NAV2: variants seen among roughly 807,000 people sequenced by gnomAD.
NAV2 encodes the protein neuron navigator 2, also known as helicase, APC down-regulated 1.
A neutral mutation model predicts 223.2 loss-of-function variants in NAV2; 54 were observed. That is an observed-to-expected ratio of 0.24 (90% CI 0.19 to 0.30). The LOEUF (loss-of-function observed/expected upper bound fraction) is 0.30, where lower values mean the gene tolerates loss of function less well. Among genes scored for constraint, NAV2 ranks in the 10% least tolerant of loss-of-function variants. The pLI is 1.00. For synonymous variants in NAV2, 1,279 were observed against 1,239.3 expected (o/e 1.03, Z -0.67); for missense variants, 2,806 against 3,147.5 (o/e 0.89, Z 2.60).
At chr11:19,615,963 G>A (rs141995768) in intron 1 of NAV2, among the ~76,000 whole-genome samples, 31 of 152,222 alleles carry the variant, frequency 2.0e-4, no homozygotes, top group East Asian at 1.2e-3. Context: ...TAAGCAGAGC[G>A]CTGCCTCCCC....
At chr11:19,364,922 A>G (rs555833489) in intron 1 of NAV2, among the ~76,000 whole-genome samples, 48 of 152,346 alleles carry the variant, frequency 3.2e-4, no homozygotes, top group African/African-American at 1.2e-3. Context: ...TTACCCATAC[A>G]ACAATATTTC....
chr11:19,527,229 A>T (rs1304688564), intron 1 of NAV2, among the ~76,000 whole-genome samples: 2 of 152,030 alleles, frequency 1.3e-5, no homozygotes, highest in Non-Finnish European at 2.9e-5. Context: ...ACGAGATCTG[A>T]TGGTTTTATA....
intron 1 of NAV2, among the ~76,000 whole-genome samples, chr11:19,640,995 G>A (rs996278358): frequency 6.6e-6 from 1 of 152,258 alleles, no homozygotes; most frequent in Non-Finnish European, 1.5e-5. Context: ...CTAACCTCTA[G>A]GGAGGAACAC....
At chr11:19,395,881 A>G (rs1311843027) in intron 1 of NAV2, among the ~76,000 whole-genome samples, 2 of 152,208 alleles carry the variant, frequency 1.3e-5, no homozygotes, top group Non-Finnish European at 2.9e-5. Context: ...TACCAGAGCT[A>G]TCAAAAAGTA....
chr11:19,542,065 A>G (rs2044356480), intron 1 of NAV2, among the ~76,000 whole-genome samples: 1 of 152,162 alleles, frequency 6.6e-6, no homozygotes, highest in Non-Finnish European at 1.5e-5. Flanking sequence ...AGGTCGGCAA[A>G]GCCCACCATT....
At chr11:19,899,524 T>C (rs532175450) in intron 6 of NAV2, among the ~76,000 whole-genome samples, 1 of 152,300 alleles carries the variant, frequency 6.6e-6, no homozygotes, top group African/African-American at 2.4e-5. Flanking sequence ...CATTTGTTCA[T>C]TTCATCATCA....
At chr11:19,649,419 A>G (rs1230689101) in intron 1 of NAV2, among the ~76,000 whole-genome samples, 2 of 152,352 alleles carry the variant, frequency 1.3e-5, no homozygotes, top group East Asian at 3.9e-4. Context: ...CCTAGACTGA[A>G]TGGCATATAA....
chr11:19,605,189 G>T (rs954931935), intron 1 of NAV2, among the ~76,000 whole-genome samples: 1 of 152,184 alleles, frequency 6.6e-6, no homozygotes, highest in African/African-American at 2.4e-5. Context: ...AGGTCCAGGG[G>T]AGGAGTTGGG....
intron 1 of NAV2, among the ~76,000 whole-genome samples, chr11:19,786,463 T>C (rs2057127253): frequency 6.6e-6 from 1 of 152,256 alleles, no homozygotes; most frequent in Non-Finnish European, 1.5e-5. Flanking sequence ...TGTTTCAATA[T>C]AATGCAAAGT....
At chr11:19,837,371 G>A (rs2060290518) in intron 2 of NAV2, among the ~76,000 whole-genome samples, 1 of 152,190 alleles carries the variant, frequency 6.6e-6, no homozygotes, top group Non-Finnish European at 1.5e-5. Flanking sequence ...AACGGATGCT[G>A]AAATCTAGAG....
intron 1 of NAV2, among the ~76,000 whole-genome samples, chr11:19,541,842 A>G (rs2044351932): frequency 6.6e-6 from 1 of 152,160 alleles, no homozygotes; most frequent in East Asian, 1.9e-4. Flanking sequence ...TCCATATGGC[A>G]ATGACTAGGA....
chr11:19,728,387 C>A (rs113895378), intron 1 of NAV2, among the ~76,000 whole-genome samples: 14 of 152,350 alleles, frequency 9.2e-5, no homozygotes, highest in Non-Finnish European at 1.8e-4. Flanking sequence ...CCTGGAGTGG[C>A]ACTTTGGCAT....
At chr11:19,643,314 C>G (rs934445806) in intron 1 of NAV2, among the ~76,000 whole-genome samples, 1 of 121,200 alleles carries the variant, frequency 8.3e-6, no homozygotes, top group African/African-American at 3.0e-5. Flanking sequence ...TCCCTCCCCC[C>G]TCCCCCCACC....
Position 19,661,105 on chromosome 11 carries a change from G to A in NAV2, c.76-171379G>A, listed in dbSNP as rs574053710. On this transcript the variant is annotated intron_variant, in intron 1 of 37. Coordinates refer to the NAV2 transcript ENST00000360655. ...TGAAATAATAACCATCTACCCTGTC[G>A]CCCCAGCTCCCAGCCCCAGGCAACC... is the stretch of plus-strand genomic sequence containing the variant. Among the ~76,000 whole-genome samples, 7 of 151,974 alleles carry A rather than the reference G, an allele frequency of 4.6e-5. No homozygotes were observed. In the South Asian group the frequency reaches 6.2e-4, roughly 14 times the overall value.
intron 1 of NAV2, among the ~76,000 whole-genome samples, chr11:19,649,851 T>G (rs115849024): frequency 6.6e-6 from 1 of 152,180 alleles, no homozygotes; most frequent in African/African-American, 2.4e-5. Context: ...TCAGTATCAT[T>G]GATAGCCAGG....
At chr11:19,694,945 T>C (rs114561874) in intron 1 of NAV2, among the ~76,000 whole-genome samples, 1,575 of 152,328 alleles carry the variant, frequency 0.01, 31 homozygotes, top group African/African-American at 0.036. Flanking sequence ...CAAGGTTCCC[T>C]TGGCAGAGGC....
chr11:19,472,914 C>T (rs1201657951), intron 1 of NAV2, among the ~76,000 whole-genome samples: 1 of 152,216 alleles, frequency 6.6e-6, no homozygotes, highest in Non-Finnish European at 1.5e-5. Context: ...CCACAATTAA[C>T]TGGAGGTCTG....
At chr11:19,946,087 G>A (rs1405114637) in intron 8 of NAV2, among the ~76,000 whole-genome samples, 1 of 152,200 alleles carries the variant, frequency 6.6e-6, no homozygotes, top group Admixed American at 6.5e-5. Context: ...GACCTAACCT[G>A]AGCATGTCTC....
intron 4 of NAV2, among the ~76,000 whole-genome samples, chr11:19,878,140 A>T (rs2062972376): frequency 6.6e-6 from 1 of 152,218 alleles, no homozygotes; most frequent in Admixed American, 6.5e-5. Flanking sequence ...ACTTGTCCAC[A>T]TCAGTCCTGG....
Sources: gnomAD v4.1 joint callset for allele counts (sites outside exome capture counted in the v4.1 genomes callset) on GRCh38, gnomAD v4.1.1 for gene constraint, MANE v1.5 for transcripts, NCBI Gene and HGNC (gene_info 2026-07-23, HGNC 2026-07-21) for gene names.